Variants in DNAH14 observed in about 807,000 individuals in gnomAD.
DNAH14 encodes axonemal beta dynein heavy chain 14.
Under a neutral mutation model 520.9 loss-of-function variants are expected in DNAH14, and 478 were observed. The ratio of observed to expected loss-of-function variants is 0.92; its 90% CI spans 0.85 to 0.99. DNAH14 has a LOEUF of 0.99. Ranked by LOEUF, DNAH14 falls within the 50% of genes least tolerant of loss-of-function variation. The pLI is 0.00. For missense variants in DNAH14, 4,831 were observed against 5,234.5 expected (o/e 0.92, Z 2.38); for synonymous variants, 1,581 against 1,757.2 (o/e 0.90, Z 2.51).
chr1:225,364,900 A>C lies in DNAH14; in HGVS notation c.12090+6A>C. The C allele has an allele frequency of 6.5e-7, 1 of 1,528,782 alleles. No homozygotes were observed. The highest frequency in any genetic ancestry group is 8.8e-7 in the Non-Finnish European group (1 of 1,133,020). 94.7% of individuals were successfully genotyped at this position (1,528,782 alleles called of 1,614,324 possible). ...TTCTTAAAAAGGGTTTAAAGGTAAGAACAAAGTATAACAGATTTAATGTTG... is the reference window on the plus strand; with the variant it reads ...TTCTTAAAAAGGGTTTAAAGGTAAGCACAAAGTATAACAGATTTAATGTTG... On this transcript the variant is annotated splice_donor_region_variant and intron_variant, in intron 76 of 85. Transcript: ENST00000682510.
At chr1:225,223,645 G>A (rs1022655807) in intron 41 of DNAH14, among the ~76,000 whole-genome samples, 1 of 152,158 alleles carries the variant, frequency 6.6e-6, no homozygotes, top group Non-Finnish European at 1.5e-5. Flanking sequence ...GGCGATTCCT[G>A]AAGATTGGCC....
In DNAH14 at chr1:225,152,862, G is replaced by A. The variant is rs139949596; in HGVS notation, c.5175G>A (p.Ala1725=). The change falls in exon 33 of 86, where the codon GCG becomes GCA. Residue 1725 remains alanine, a synonymous_variant. Coordinates refer to ENST00000682510, the MANE Select transcript of DNAH14 (RefSeq NM_001367479.1). ...AGCTAACTAACCTTTATGAATTAGC[G>A]CGCAAACAGCTCTCACAACAGGTAA... ...SGKLTNLYEL[A]RKQLSQQDHY... is the part of the protein sequence containing the mutation. 3.6e-4 allele frequency: 556 copies of A among 1,550,118 alleles called. 1 individual carries two copies. The African/African-American group carries it at 5.7e-3, about 16-fold the overall frequency.
At chr1:225,064,448 C>A (rs971832440) in intron 17 of DNAH14, among the ~76,000 whole-genome samples, 2 of 151,882 alleles carry the variant, frequency 1.3e-5, no homozygotes, top group Non-Finnish European at 2.9e-5. Context: ...CAAGTCCACC[C>A]AAAGACTTGC....
intron 36 of DNAH14, 83 bp downstream of exon 36, chr1:225,168,111 AAGAG>A (rs2149200953): frequency 1.3e-6 from 1 of 784,818 alleles, no homozygotes; most frequent in East Asian, 3.0e-5. Flanking sequence ...ATAATAATAA[AAGAG>A]AGCTGTTACA....
intron 17 of DNAH14, among the ~76,000 whole-genome samples, chr1:225,054,461 A>T (rs1162122281): frequency 6.6e-6 from 1 of 152,128 alleles, no homozygotes; most frequent in Non-Finnish European, 1.5e-5. Flanking sequence ...AAATTAAGTT[A>T]TTTCATTATA....
chr1:225,268,032 G>A (rs1294394980), intron 49 of DNAH14, among the ~76,000 whole-genome samples: 2 of 152,044 alleles, frequency 1.3e-5, no homozygotes, highest in Non-Finnish European at 2.9e-5. Flanking sequence ...TTGAGCCTGG[G>A]TATAAGCAGG....
At chr1:225,326,860 A>T (rs1428659172) in intron 64 of DNAH14, among the ~76,000 whole-genome samples, 1 of 152,044 alleles carries the variant, frequency 6.6e-6, no homozygotes, top group East Asian at 1.9e-4. Context: ...TAAAAAAAAA[A>T]CTTGAAAGCT....
At chr1:225,334,226 C>A (rs1425804642) in intron 66 of DNAH14, among the ~76,000 whole-genome samples, 1 of 152,004 alleles carries the variant, frequency 6.6e-6, no homozygotes, top group Non-Finnish European at 1.5e-5. Flanking sequence ...AACCCTTGAG[C>A]CTAGGAATTC....
intron 10 of DNAH14, 57 bp from the exon 11 acceptor site, chr1:225,023,558 A>G (rs2065879496): frequency 7.3e-7 from 1 of 1,367,250 alleles, no homozygotes; most frequent in African/African-American, 1.5e-5. Context: ...ACTAGAAATC[A>G]TGCTATATTA....
chr1:225,040,000 T>G (rs1211335513), intron 12 of DNAH14, among the ~76,000 whole-genome samples: 1 of 145,078 alleles, frequency 6.9e-6, no homozygotes, highest in Non-Finnish European at 1.5e-5. Flanking sequence ...TGCTGTGGTG[T>G]GATCTCGACT....
Position 225,232,274 on chromosome 1 carries a change from T to TACACACACACAC in DNAH14, c.6518+1124_6518+1125insCACACACACACA, listed in dbSNP as rs879274136. Among the ~76,000 whole-genome samples the TACACACACACAC allele has an allele frequency of 0.043, 5,877 of 138,034 alleles. 186 individuals carry two copies. Among genetic ancestry groups the TACACACACACAC allele is most frequent in the Non-Finnish European group, 0.06 (3,871 of 64,998 alleles). 90.6% of individuals were successfully genotyped at this position (138,034 alleles called of 152,430 possible). ...CATTATATATATAAACTGTGATATA[T>TACACACACACAC]ATATATACACACACACACACACACA... is the stretch of plus-strand genomic sequence containing the variant. On this transcript the variant is annotated intron_variant, in intron 42 of 85. Transcript: ENST00000682510. The surrounding 1 kb of genome is among the most constrained non-coding windows in gnomAD (Gnocchi z 4.2).
chr1:225,398,600 A>G lies in DNAH14; in HGVS notation c.13572A>G (p.Ile4524Met), dbSNP rs181716749. The G allele has an allele frequency of 1.0e-5, 16 of 1,551,768 alleles. No homozygotes were observed. In the Admixed American group the frequency reaches 2.4e-4, roughly 23 times the overall value. Residue 4524 changes from isoleucine (I) to methionine (M), a missense_variant, in exon 85 of 86, where the codon ATA (isoleucine) becomes ATG (methionine). Ile to Met is a conservative substitution (Grantham distance 10). Transcript: ENST00000682510. ...CAAGATGGAATCGTGAACAGAAAAT[A>G]CTGGAAGACTCGCTGCCTCTGGAGA... is the stretch of plus-strand genomic sequence containing the variant. ...EGARWNREQK[I>M]LEDSLPLEMC... is the part of the protein sequence containing the mutation.
chr1:225,374,859 G>C lies in DNAH14; in HGVS notation c.12490G>C (p.Asp4164His). The change falls in exon 78 of 86, where the codon GAT (aspartate) becomes CAT (histidine). Residue 4164 changes from aspartate (D) to histidine (H), a missense_variant. Physicochemically the swap from Asp to His is moderately conservative, Grantham distance 81 (BLOSUM62 -1). Transcript: ENST00000682510. The part of the protein sequence containing the change: ...YKFCNPEVLK[D>H]DFSFSSDGIC... The stretch of plus-strand genomic sequence containing the variant: ...ATTTTGTAATCCTGAAGTGCTGAAA[G>C]ATGACTTCAGTTTCTCCAGTGATGG... 3.9e-6 allele frequency: 6 copies of C among 1,550,584 alleles called. No homozygotes were observed. Among genetic ancestry groups the C allele is most frequent in the Non-Finnish European group, 4.4e-6 (5 of 1,146,270 alleles).
intron 27 of DNAH14, among the ~76,000 whole-genome samples, chr1:225,138,284 C>T (rs1466302515): frequency 3.3e-5 from 5 of 152,202 alleles, no homozygotes; most frequent in Non-Finnish European, 5.9e-5. Flanking sequence ...TCTTCACAGC[C>T]TGCCAGCTGC....
intron 23 of DNAH14, among the ~76,000 whole-genome samples, chr1:225,115,534 T>C (rs1395558315): frequency 2.6e-5 from 4 of 152,164 alleles, no homozygotes; most frequent in Non-Finnish European, 5.9e-5. Flanking sequence ...TGAACACAAG[T>C]AACAGTGGTT....
chr1:225,389,539 G>A (rs1176503822), intron 82 of DNAH14, among the ~76,000 whole-genome samples, 195 bp from the exon 83 acceptor site: 1 of 152,232 alleles, frequency 6.6e-6, no homozygotes, highest in Non-Finnish European at 1.5e-5. Flanking sequence ...TTACCTTCCA[G>A]CCTTTGTGGT....
intron 11 of DNAH14, among the ~76,000 whole-genome samples, chr1:225,031,099 T>C (rs2066488641): frequency 6.6e-6 from 1 of 152,070 alleles, no homozygotes. Context: ...CACATTTTTG[T>C]TTTAAACTAC....
chr1:225,172,143 C>T (rs1559174135), intron 36 of DNAH14, among the ~76,000 whole-genome samples: 1 of 152,126 alleles, frequency 6.6e-6, no homozygotes, highest in Non-Finnish European at 1.5e-5. Context: ...ATGACAAACC[C>T]ACAGCCAATA....
In DNAH14 at chr1:225,266,681, A is replaced by G. The variant is rs2093130961; in HGVS notation, c.7451A>G (p.Asp2484Gly). Reference sequence around the variant, plus strand: ...GATGATATGAATATGCCAGTATCAGATATGTATGGAGCACAGCCACCCCTG... The same window carrying G: ...GATGATATGAATATGCCAGTATCAGGTATGTATGGAGCACAGCCACCCCTG... ...FIDDMNMPVS[D>G]MYGAQPPLEL... The change falls in exon 49 of 86, where the codon GAT becomes GGT. Residue 2484 changes from aspartate to glycine, a missense_variant. By Grantham distance (94) the Asp-to-Gly change is moderately conservative (BLOSUM62 -1). Transcript: ENST00000682510. 1 of 1,515,150 alleles carries G rather than the reference A, an allele frequency of 6.6e-7. No individual in the cohort carries two copies. Among genetic ancestry groups the G allele is most frequent in the African/African-American group, 1.4e-5 (1 of 70,780 alleles). The allele number at this position is 1,515,150 out of a possible 1,614,324, so 93.9% of individuals were successfully genotyped here.
Sources: allele counts gnomAD v4.1 joint callset (sites outside exome capture counted in the v4.1 genomes callset), GRCh38; gene constraint gnomAD v4.1.1; non-coding constraint Gnocchi (gnomAD v3.1); transcripts MANE v1.5; gene names NCBI Gene and HGNC (gene_info 2026-07-23, HGNC 2026-07-21).